Variants in TRAPPC9 observed in about 807,000 individuals in gnomAD.
TRAPPC9 encodes the protein IKK2 binding protein.
In TRAPPC9, 83 loss-of-function variants were observed where a neutral mutation model predicts 124.0. The ratio of observed to expected loss-of-function variants is 0.67; its 90% CI spans 0.56 to 0.80. TRAPPC9 has a LOEUF of 0.80. Among genes scored for constraint, TRAPPC9 ranks in the 30% least tolerant of loss-of-function variants. The pLI, the probability that TRAPPC9 is intolerant of heterozygous loss-of-function variation, is 0.00. For missense variants in TRAPPC9, 1,302 were observed against 1,508.3 expected (o/e 0.86, Z 2.27); for synonymous variants, 638 against 617.5 (o/e 1.03, Z -0.49).
chr8:140,135,822 A>G (rs2061294598), intron 17 of TRAPPC9, among the ~76,000 whole-genome samples: 3 of 152,170 alleles, frequency 2.0e-5, no homozygotes, highest in African/African-American at 7.2e-5. Context: ...AGAGAACAAA[A>G]CCAGGTAGCA....
At chr8:139,995,861 TAAAAAAA>T (rs35970083) in intron 18 of TRAPPC9, among the ~76,000 whole-genome samples, 3 of 96,888 alleles carry the variant, frequency 3.1e-5, no homozygotes, top group Non-Finnish European at 6.0e-5. Flanking sequence ...TACTCTGCAT[TAAAAAAA>T]AAAAAAAAAA....
At chr8:140,019,169 C>T (rs2131892795) in intron 18 of TRAPPC9, among the ~76,000 whole-genome samples, 1 of 152,202 alleles carries the variant, frequency 6.6e-6, no homozygotes, top group South Asian at 2.1e-4. Flanking sequence ...ATTGTTCATG[C>T]TGTTTTGTCC....
chr8:139,826,841 G>A (rs1825675239), intron 21 of TRAPPC9, among the ~76,000 whole-genome samples: 1 of 152,188 alleles, frequency 6.6e-6, no homozygotes, highest in Non-Finnish European at 1.5e-5. Flanking sequence ...GTTGGTACAG[G>A]TCCCTGTGGG....
chr8:140,284,423 A>G (rs534147514), intron 13 of TRAPPC9, among the ~76,000 whole-genome samples: 6 of 152,366 alleles, frequency 3.9e-5, no homozygotes, highest in African/African-American at 1.4e-4. Flanking sequence ...AGTATGTGAA[A>G]AATGCTTCAA....
chr8:139,821,584 C>T (rs985134715), intron 21 of TRAPPC9, among the ~76,000 whole-genome samples: 3 of 152,210 alleles, frequency 2.0e-5, no homozygotes, highest in East Asian at 3.8e-4. Context: ...CGGGCTTCTC[C>T]GAAGGATGGG....
chr8:139,745,304 TC>T (rs1195328533), intron 21 of TRAPPC9, among the ~76,000 whole-genome samples: 1 of 152,214 alleles, frequency 6.6e-6, no homozygotes, highest in Non-Finnish European at 1.5e-5. Context: ...AGCCAGAGCT[TC>T]TGCTTCCTTG....
chr8:140,128,228 TC>T (rs1647071181), intron 17 of TRAPPC9, among the ~76,000 whole-genome samples: 2 of 152,216 alleles, frequency 1.3e-5, no homozygotes, highest in African/African-American at 4.8e-5. Flanking sequence ...ACAATTATGC[TC>T]GGTGGTGAGA....
At chr8:140,219,319 C>T (rs1028011930) in intron 17 of TRAPPC9, among the ~76,000 whole-genome samples, 6 of 152,210 alleles carry the variant, frequency 3.9e-5, no homozygotes, top group African/African-American at 1.4e-4. Context: ...GACCTTGCTC[C>T]AAGACCCTAG....
chr8:140,108,394 C>A (rs1021801579), intron 17 of TRAPPC9, among the ~76,000 whole-genome samples: 3 of 152,160 alleles, frequency 2.0e-5, no homozygotes, highest in African/African-American at 7.2e-5. Context: ...GGTCTTTCAT[C>A]CCTAACCTAG....
chr8:139,828,286 A>T (rs1161222738), intron 21 of TRAPPC9, among the ~76,000 whole-genome samples: 1 of 152,136 alleles, frequency 6.6e-6, no homozygotes, highest in East Asian at 1.9e-4. Context: ...GCTTGTCCTG[A>T]ACTGGCGTGA....
At chr8:140,195,870 ACTC>A (rs1399903035) in intron 17 of TRAPPC9, among the ~76,000 whole-genome samples, 1 of 150,454 alleles carries the variant, frequency 6.6e-6, no homozygotes, top group Non-Finnish European at 1.5e-5. Flanking sequence ...ACTAAAACAC[ACTC>A]AACGATCCAC....
At chr8:140,403,567 A>T (rs1358565857) in intron 6 of TRAPPC9, among the ~76,000 whole-genome samples, 1 of 152,198 alleles carries the variant, frequency 6.6e-6, no homozygotes, top group Admixed American at 6.5e-5. Context: ...TATTTTTCAA[A>T]AATAATAGCT....
chr8:140,299,321 G>T (rs1448703095), intron 11 of TRAPPC9, among the ~76,000 whole-genome samples: 1 of 152,164 alleles, frequency 6.6e-6, no homozygotes. Flanking sequence ...GTCAGGGAGC[G>T]CCTGCAGTCC....
chr8:140,238,012 T>C (rs1020596706), intron 16 of TRAPPC9, among the ~76,000 whole-genome samples: 1 of 152,154 alleles, frequency 6.6e-6, no homozygotes, highest in Middle Eastern at 3.2e-3. Flanking sequence ...AACCAACTGG[T>C]AGTGATCCGT....
chr8:140,406,883 T>C (rs772449217), intron 5 of TRAPPC9, among the ~76,000 whole-genome samples: 40 of 152,192 alleles, frequency 2.6e-4, no homozygotes, highest in Middle Eastern at 3.4e-3. Flanking sequence ...TGGAAAAATA[T>C]ATCTCAAATA....
intron 19 of TRAPPC9, among the ~76,000 whole-genome samples, chr8:139,980,827 C>A (rs574718006): frequency 5.8e-4 from 88 of 152,262 alleles, no homozygotes; most frequent in African/African-American, 2.0e-3. Flanking sequence ...AGGAGCCACA[C>A]GCCCCCCACC....
At chr8:140,259,511 A>G (rs1186678689) in intron 15 of TRAPPC9, among the ~76,000 whole-genome samples, 4 of 152,244 alleles carry the variant, frequency 2.6e-5, no homozygotes, top group South Asian at 2.1e-4. Context: ...CTATCCTTCG[A>G]TAAGTTACCA....
intron 16 of TRAPPC9, among the ~76,000 whole-genome samples, chr8:140,242,734 T>C (rs1217177075): frequency 6.6e-6 from 1 of 152,188 alleles, no homozygotes; most frequent in African/African-American, 2.4e-5. Flanking sequence ...AGGACAAAAC[T>C]GTTAGGAACA....
At chr8:140,380,624 C>T (rs1212544126) in intron 7 of TRAPPC9, among the ~76,000 whole-genome samples, 1 of 134,680 alleles carries the variant, frequency 7.4e-6, no homozygotes, top group Non-Finnish European at 1.6e-5. Context: ...CACTGTACTC[C>T]AGCCTGGGTG....
Sources: allele counts gnomAD v4.1 joint callset (sites outside exome capture counted in the v4.1 genomes callset), GRCh38; gene constraint gnomAD v4.1.1; transcripts MANE v1.5; gene names NCBI Gene and HGNC (gene_info 2026-07-23, HGNC 2026-07-21).